Variants in ST3GAL1 observed in about 807,000 individuals in gnomAD.
ST3GAL1 encodes CMP-N-acetylneuraminate-beta-galactosamide-alpha-2,3-sialyltransferase 1.
Under a neutral mutation model 34.1 loss-of-function variants are expected in ST3GAL1, and 16 were observed. The ratio of observed to expected loss-of-function variants is 0.47; its 90% CI spans 0.32 to 0.71. The LOEUF (loss-of-function observed/expected upper bound fraction) is 0.71. ST3GAL1 is among the 30% of genes least tolerant of loss of function. The pLI is 0.04. For missense variants in ST3GAL1, 353 were observed against 447.4 expected, an observed-to-expected ratio of 0.79 and a Z score of 1.90; for synonymous variants, 191 against 184.7, an observed-to-expected ratio of 1.03 and a Z score of -0.28.
intron 2 of ST3GAL1, among the ~76,000 whole-genome samples, chr8:133,520,739 T>C (rs1010796554): frequency 7.3e-5 from 11 of 151,622 alleles, no homozygotes; most frequent in Admixed American, 2.6e-4. Flanking sequence ...TGCAGTTTTG[T>C]GCCCAAAGAT....
intron 3 of ST3GAL1, among the ~76,000 whole-genome samples, chr8:133,488,996 C>G (rs1376786632): frequency 6.6e-6 from 1 of 152,166 alleles, no homozygotes; most frequent in African/African-American, 2.4e-5. Context: ...CCTTGGCGCC[C>G]TCCCTGTGGG....
chr8:133,548,649 G>T (rs938389360), intron 1 of ST3GAL1, among the ~76,000 whole-genome samples: 1 of 152,158 alleles, frequency 6.6e-6, no homozygotes, highest in East Asian at 1.9e-4. Flanking sequence ...TTCCAAACTC[G>T]AAGCTGGATT....
At chr8:133,481,499 T>G (rs1202676195) in intron 3 of ST3GAL1, among the ~76,000 whole-genome samples, 1 of 152,128 alleles carries the variant, frequency 6.6e-6, no homozygotes, top group African/African-American at 2.4e-5. Flanking sequence ...TTGTTGTTGT[T>G]GTGTTTTTGG....
intron 2 of ST3GAL1, among the ~76,000 whole-genome samples, chr8:133,533,491 C>T (rs1449838329): frequency 1.3e-5 from 2 of 152,342 alleles, no homozygotes; most frequent in Middle Eastern, 3.4e-3. Flanking sequence ...GCTTTCTCTC[C>T]TATCAGGAGC....
At chr8:133,557,067 A>T (rs56264651) in intron 1 of ST3GAL1, among the ~76,000 whole-genome samples, 48,821 of 152,066 alleles carry the variant, frequency 0.32, 7,963 homozygotes, top group African/African-American at 0.38. Flanking sequence ...TCAGCGAGCC[A>T]GCCTTCTCAG....
chr8:133,522,366 A>G (rs2131029322), intron 2 of ST3GAL1, among the ~76,000 whole-genome samples: 1 of 152,274 alleles, frequency 6.6e-6, no homozygotes, highest in Non-Finnish European at 1.5e-5. Context: ...CAGGCACAGA[A>G]GGTTCCCTGC....
At chr8:133,478,148 T>C (rs1354851183) in intron 3 of ST3GAL1, among the ~76,000 whole-genome samples, 1 of 152,208 alleles carries the variant, frequency 6.6e-6, no homozygotes, top group Non-Finnish European at 1.5e-5. Context: ...TGTCCACAGG[T>C]ATCCCATCCA....
At chr8:133,526,971 C>T (rs1817994780) in intron 2 of ST3GAL1, among the ~76,000 whole-genome samples, 1 of 152,038 alleles carries the variant, frequency 6.6e-6, no homozygotes, top group Non-Finnish European at 1.5e-5. Flanking sequence ...GGCCTTGTAC[C>T]CCTAGTCACT....
Position 133,556,958 on chromosome 8 carries a change from T to A in ST3GAL1, c.-581-11032A>T, listed in dbSNP as rs900147755. On this transcript the variant is annotated intron_variant, in intron 1 of 9. Transcript: ENST00000522652. The surrounding 1 kb of genome is among the most constrained non-coding windows in gnomAD (Gnocchi z 8.9). ...TCGAGCCTTTTATGATGTGCATGCA[T>A]GTGTTAGAAGGAAACATTGTGACAT... 6.6e-6 allele frequency among the ~76,000 whole-genome samples: 1 copy of A among 152,102 alleles called. No homozygotes were observed. The highest frequency in any genetic ancestry group is 1.9e-4 in the East Asian group (1 of 5,180).
intron 5 of ST3GAL1, among the ~76,000 whole-genome samples, chr8:133,473,432 A>G (rs56204057): frequency 0.17 from 26,577 of 152,118 alleles, 2,950 homozygotes; most frequent in East Asian, 0.57. Flanking sequence ...TTTGGTTTAT[A>G]TAAACAGGCT....
At chr8:133,541,425 C>T (rs200820884) in intron 2 of ST3GAL1, among the ~76,000 whole-genome samples, 4 of 152,074 alleles carry the variant, frequency 2.6e-5, no homozygotes, top group South Asian at 2.1e-4. Flanking sequence ...CACCCTCAAC[C>T]TGATCAAGGT....
intron 1 of ST3GAL1, among the ~76,000 whole-genome samples, chr8:133,552,881 A>G (rs1383150020): frequency 1.3e-5 from 2 of 152,230 alleles, no homozygotes; most frequent in East Asian, 3.8e-4. Flanking sequence ...TCTCATGTGC[A>G]TGATTTCATT....
At chr8:133,474,651 T>A (rs1245121465) in intron 5 of ST3GAL1, among the ~76,000 whole-genome samples, 1 of 152,036 alleles carries the variant, frequency 6.6e-6, no homozygotes, top group Non-Finnish European at 1.5e-5. Flanking sequence ...TACTCCCCAT[T>A]ACATCCAGCA....
At chr8:133,487,202 G>C (rs748275067) in intron 3 of ST3GAL1, among the ~76,000 whole-genome samples, 1 of 152,106 alleles carries the variant, frequency 6.6e-6, no homozygotes, top group African/African-American at 2.4e-5. Context: ...GCCTCCCAAA[G>C]TGCTGGGATT....
intron 2 of ST3GAL1, among the ~76,000 whole-genome samples, chr8:133,537,627 C>T (rs773387067): frequency 1.4e-4 from 22 of 152,172 alleles, no homozygotes; most frequent in Non-Finnish European, 2.6e-4. Context: ...GGGTGCCAGG[C>T]TTGCAGAACG....
chr8:133,520,079 C>T (rs1256983813), intron 2 of ST3GAL1, among the ~76,000 whole-genome samples: 1 of 152,178 alleles, frequency 6.6e-6, no homozygotes, highest in East Asian at 1.9e-4. Flanking sequence ...TTCTTTCAGC[C>T]CACGCATATT....
chr8:133,540,836 G>GACATATATAT lies in ST3GAL1; in HGVS notation c.-429+4937_-429+4938insATATATATGT, dbSNP rs1818459979. On this transcript the variant is annotated intron_variant, in intron 2 of 9. Transcript: ENST00000522652. ...ACATATATATATAGACATATATATAGAGAGACATATATATAGAGACATATA... is the reference window on the plus strand; with the variant it reads ...ACATATATATATAGACATATATATAGACATATATATAGAGACATATATATAGAGACATATA... Among the ~76,000 whole-genome samples the GACATATATAT allele has an allele frequency of 1.4e-4, 7 of 48,376 alleles. 1 individual carries two copies. The highest frequency in any genetic ancestry group is 1.9e-4 in the Non-Finnish European group (5 of 26,250). The allele number at this position is 48,376 out of a possible 152,430, so 31.7% of individuals were successfully genotyped here. A position where few individuals can be genotyped will look rare whatever the true frequency, so the allele number is the denominator to read the frequency against.
chr8:133,540,466 G>T (rs1243178802), intron 2 of ST3GAL1, among the ~76,000 whole-genome samples: 1 of 152,100 alleles, frequency 6.6e-6, no homozygotes, highest in Non-Finnish European at 1.5e-5. Context: ...AGGAAAACAG[G>T]CCTGGTTCTC....
At chr8:133,564,824 T>C (rs367654145) in intron 1 of ST3GAL1, among the ~76,000 whole-genome samples, 25 of 152,170 alleles carry the variant, frequency 1.6e-4, no homozygotes, top group African/African-American at 4.8e-4. Context: ...AGCTGAGACA[T>C]AGAAAAGGTC....
Sources: gnomAD v4.1 joint callset for allele counts (sites outside exome capture counted in the v4.1 genomes callset) on GRCh38, gnomAD v4.1.1 for gene constraint, Gnocchi (gnomAD v3.1) non-coding constraint, MANE v1.5 for transcripts, NCBI Gene and HGNC (gene_info 2026-07-23, HGNC 2026-07-21) for gene names.